The following IMMP2L variants were observed in gnomAD, a reference collection of about 807,000 sequenced individuals.
IMMP2L encodes inner mitochondrial membrane peptidase subunit 2, also known as mitochondrial inner membrane protease subunit 2.
In IMMP2L, 18 loss-of-function variants were observed where a neutral mutation model predicts 19.3. The observed-to-expected ratio is 0.93, with a 90% CI of 0.64 to 1.38. The LOEUF is 1.38. Among genes scored for constraint, IMMP2L ranks in the 40% most tolerant of loss-of-function variants. The pLI is 0.00. For missense variants in IMMP2L, 233 were observed against 218.2 expected (o/e 1.07, Z -0.43); for synonymous variants, 76 against 73.0 (o/e 1.04, Z -0.21).
intron 5 of IMMP2L, among the ~76,000 whole-genome samples, chr7:110,780,421 G>C (rs1193727018): frequency 6.6e-6 from 1 of 151,624 alleles, no homozygotes; most frequent in African/African-American, 2.4e-5. Context: ...TTTTCTCAAA[G>C]TCTCTATATT....
At chr7:111,442,926 A>G (rs777893828) in intron 3 of IMMP2L, among the ~76,000 whole-genome samples, 9 of 151,926 alleles carry the variant, frequency 5.9e-5, no homozygotes, top group Non-Finnish European at 8.8e-5. Context: ...ACAGAACAGA[A>G]AAAAAGCCTC....
At chr7:111,458,528 C>G (rs776467458) in intron 3 of IMMP2L, among the ~76,000 whole-genome samples, 51 of 152,102 alleles carry the variant, frequency 3.4e-4, no homozygotes, top group Non-Finnish European at 3.5e-4. Context: ...TTCCTCCTAT[C>G]TTTCTCCTCT....
chr7:110,940,562 G>T (rs1377081022), intron 4 of IMMP2L, among the ~76,000 whole-genome samples: 1 of 152,048 alleles, frequency 6.6e-6, no homozygotes, highest in African/African-American at 2.4e-5. Flanking sequence ...AAGGGTTAAG[G>T]GATCTGAGTT....
chr7:111,088,277 T>G (rs1213647810), intron 3 of IMMP2L, among the ~76,000 whole-genome samples: 1 of 152,200 alleles, frequency 6.6e-6, no homozygotes. Flanking sequence ...AGGGTTGTAA[T>G]TATTCATTTA....
chr7:111,239,552 G>A (rs1012059787), intron 3 of IMMP2L, among the ~76,000 whole-genome samples: 1 of 151,872 alleles, frequency 6.6e-6, no homozygotes, highest in African/African-American at 2.4e-5. Flanking sequence ...CTTAATTTAG[G>A]TCTAGTTGAT....
At chr7:110,856,557 C>T (rs1806795452) in intron 5 of IMMP2L, among the ~76,000 whole-genome samples, 1 of 151,776 alleles carries the variant, frequency 6.6e-6, no homozygotes, top group South Asian at 2.1e-4. Flanking sequence ...GGCTATTTTC[C>T]TATAAAAGAT....
intron 5 of IMMP2L, among the ~76,000 whole-genome samples, chr7:110,740,681 G>C (rs1400693791): frequency 6.6e-6 from 1 of 151,884 alleles, no homozygotes; most frequent in Non-Finnish European, 1.5e-5. Context: ...AATTATCAGG[G>C]AAATGCAAAT....
In IMMP2L at chr7:111,069,479, T is replaced by C. The variant is rs77306096; in HGVS notation, c.240-105914A>G. 7.3e-3 allele frequency among the ~76,000 whole-genome samples: 1,116 copies of C among 152,282 alleles called. 13 individuals are homozygous for C. Among genetic ancestry groups the C allele is most frequent in the African/African-American group, 0.025 (1,045 of 41,566 alleles). Reference sequence around the variant, plus strand: ...AACTTACAGTGGGTACTACCTAGGGTCTTTGAAAAGTAAAACGTTCTGTTT... The same window carrying C: ...AACTTACAGTGGGTACTACCTAGGGCCTTTGAAAAGTAAAACGTTCTGTTT... On this transcript the variant is annotated intron_variant, in intron 3 of 5. Coordinates refer to ENST00000405709, the MANE Select transcript of IMMP2L (RefSeq NM_032549.4).
chr7:111,106,529 T>A (rs1435341695), intron 3 of IMMP2L, among the ~76,000 whole-genome samples: 2 of 151,726 alleles, frequency 1.3e-5, no homozygotes, highest in Non-Finnish European at 1.5e-5. Flanking sequence ...ATGTGGAAAC[T>A]TCTCATGAAC....
intron 3 of IMMP2L, among the ~76,000 whole-genome samples, chr7:111,222,899 T>A (rs1292562731): frequency 3.3e-5 from 5 of 151,912 alleles, no homozygotes; most frequent in South Asian, 2.1e-4. Flanking sequence ...TCGGTACATA[T>A]AGCAAGAATT....
In IMMP2L at chr7:110,772,969, T is replaced by C. The variant is rs918062468; in HGVS notation, c.409-109248A>G. Among the ~76,000 whole-genome samples the C allele has an allele frequency of 2.6e-5, 4 of 152,092 alleles. No homozygotes were observed. The East Asian group carries it at 5.8e-4, about 22-fold the overall frequency. Reference sequence around the variant, plus strand: ...TTCATTTCTTTTTTTTTTCCCTTTGTCCTTTCAAATGTATACTACCCTTAA... The same window carrying C: ...TTCATTTCTTTTTTTTTTCCCTTTGCCCTTTCAAATGTATACTACCCTTAA... On this transcript the variant is annotated intron_variant, in intron 5 of 5. Transcript: ENST00000405709.
At position 111,344,473 on chromosome 7, in the gene IMMP2L, C is replaced by A. The variant is rs183869668; in HGVS notation, c.239+142765G>T. On this transcript the variant is annotated intron_variant, in intron 3 of 5. Transcript: ENST00000405709. ...CTGTATTCCTGTTTTTCTCTATTACCCATTCACTGATCTTTCCTTCTTTGT... is the reference window on the plus strand; with the variant it reads ...CTGTATTCCTGTTTTTCTCTATTACACATTCACTGATCTTTCCTTCTTTGT... 1.4e-3 allele frequency among the ~76,000 whole-genome samples: 211 copies of A among 152,268 alleles called. 1 individual carries two copies. The highest frequency in any genetic ancestry group is 4.8e-3 in the African/African-American group (199 of 41,570).
At chr7:111,034,663 T>C (rs1429528876) in intron 3 of IMMP2L, among the ~76,000 whole-genome samples, 1 of 152,110 alleles carries the variant, frequency 6.6e-6, no homozygotes, top group Non-Finnish European at 1.5e-5. Context: ...ACCATAAGAA[T>C]TTGTTATTTT....
At chr7:111,218,672 C>A (rs187767367) in intron 3 of IMMP2L, among the ~76,000 whole-genome samples, 2 of 151,978 alleles carry the variant, frequency 1.3e-5, no homozygotes, top group South Asian at 4.1e-4. Context: ...ACCAATAAGG[C>A]TTTAATTCAG....
At chr7:110,717,071 G>C (rs1030847822) in intron 5 of IMMP2L, among the ~76,000 whole-genome samples, 4 of 152,198 alleles carry the variant, frequency 2.6e-5, no homozygotes, top group Admixed American at 6.5e-5. Context: ...CTACCTAGGA[G>C]ACAACTTGGA....
In IMMP2L at chr7:111,435,755, G is replaced by A. The variant is rs539627899; in HGVS notation, c.239+51483C>T. ...AAAAAACTATGAGCTACAAATTATA[G>A]AAGCAGCCAGCCAATCACAGCTGCC... On this transcript the variant is annotated intron_variant, in intron 3 of 5. Transcript: ENST00000405709. 3.3e-5 allele frequency among the ~76,000 whole-genome samples: 5 copies of A among 151,882 alleles called. No individual in the cohort carries two copies. In the South Asian group the frequency reaches 1.0e-3, roughly 31 times the overall value.
Position 110,922,114 on chromosome 7 carries a change from C to T in IMMP2L, c.306-35419G>A, listed in dbSNP as rs114495657. Among the ~76,000 whole-genome samples, 1,489 of 152,192 alleles carry T rather than the reference C, an allele frequency of 9.8e-3. 21 individuals carry two copies. Among genetic ancestry groups the T allele is most frequent in the African/African-American group, 0.033 (1,377 of 41,514 alleles). On this transcript the variant is annotated intron_variant, in intron 4 of 5. Transcript: ENST00000405709. ...TCACAACTCTCATATGACAGAGTGC[C>T]AAGATGCTACAAAAACAAAAATTCC...
intron 5 of IMMP2L, among the ~76,000 whole-genome samples, chr7:110,726,401 T>G (rs1795887497): frequency 6.6e-6 from 1 of 152,186 alleles, no homozygotes; most frequent in Non-Finnish European, 1.5e-5. Context: ...AAGTAATAAT[T>G]ATATATAATG....
chr7:110,728,192 C>A lies in IMMP2L; in HGVS notation c.409-64471G>T, dbSNP rs992805891. ...CTGCCATGCTTGTTGTTGTTGTTAT[C>A]AATATTATTAATAATCTTAAAGGCG... is the stretch of plus-strand genomic sequence containing the variant. On this transcript the variant is annotated intron_variant, in intron 5 of 5. Coordinates refer to ENST00000405709, the MANE Select transcript of IMMP2L (RefSeq NM_032549.4). The surrounding 1 kb of genome is among the most constrained non-coding windows in gnomAD (Gnocchi z 4.6). 6.6e-6 allele frequency among the ~76,000 whole-genome samples: 1 copy of A among 152,064 alleles called. No individual in the cohort carries two copies. The highest frequency in any genetic ancestry group is 1.5e-5 in the Non-Finnish European group (1 of 68,022).
Sources: allele counts gnomAD v4.1 joint callset (sites outside exome capture counted in the v4.1 genomes callset), GRCh38; gene constraint gnomAD v4.1.1; non-coding constraint Gnocchi (gnomAD v3.1); transcripts MANE v1.5; gene names NCBI Gene and HGNC (gene_info 2026-07-23, HGNC 2026-07-21).